The following GLI3 variants were observed in gnomAD, a reference collection of about 807,000 sequenced individuals.
GLI3 encodes the protein transcription activator GLI3.
A neutral mutation model predicts 100.8 loss-of-function variants in GLI3; 20 were observed. The observed-to-expected ratio is 0.20, with a 90% CI of 0.14 to 0.29. The LOEUF (loss-of-function observed/expected upper bound fraction) is 0.29. Among genes scored for constraint, GLI3 ranks in the 10% least tolerant of loss-of-function variants. GLI3 has a pLI of 1.00. For missense variants in GLI3, 2,040 were observed against 2,128.5 expected, an observed-to-expected ratio of 0.96 and a Z score of 0.82; for synonymous variants, 938 against 860.5, an observed-to-expected ratio of 1.09 and a Z score of -1.58.
intron 10 of GLI3, among the ~76,000 whole-genome samples, chr7:42,020,814 T>C (rs907395324): frequency 4.1e-5 from 6 of 145,000 alleles, no homozygotes; most frequent in African/African-American, 7.8e-5. Context: ...GGCGTGAACC[T>C]GGGAGGCGGA....
At chr7:42,234,556 C>T (rs899581182) in intron 1 of GLI3, among the ~76,000 whole-genome samples, 35 of 152,116 alleles carry the variant, frequency 2.3e-4, no homozygotes, top group African/African-American at 7.5e-4. Context: ...TGGTCCTTTG[C>T]AAATTAGATA....
chr7:42,149,444 G>A (rs1274793608), intron 2 of GLI3, among the ~76,000 whole-genome samples: 1 of 152,176 alleles, frequency 6.6e-6, no homozygotes, highest in South Asian at 2.1e-4. Flanking sequence ...GCAGATCAAA[G>A]AACCCATGCA....
At chr7:42,225,333 GT>G (rs1788561801) in intron 1 of GLI3, among the ~76,000 whole-genome samples, 1 of 150,104 alleles carries the variant, frequency 6.7e-6, no homozygotes, top group South Asian at 2.1e-4. Context: ...ACTAAAGCTT[GT>G]TTTTTTGTTT....
chr7:42,077,778 C>A (rs2128752106), intron 3 of GLI3, among the ~76,000 whole-genome samples: 1 of 151,400 alleles, frequency 6.6e-6, no homozygotes, highest in South Asian at 2.1e-4. Flanking sequence ...AGAGTTTTAA[C>A]AGATTTTATA....
At chr7:42,018,248 A>G (rs2128728498) in intron 10 of GLI3, among the ~76,000 whole-genome samples, 1 of 152,366 alleles carries the variant, frequency 6.6e-6, no homozygotes, top group Non-Finnish European at 1.5e-5. Flanking sequence ...TTCTTAGTCT[A>G]TATTTTATAT....
chr7:42,232,026 C>T (rs1444050610), intron 1 of GLI3, among the ~76,000 whole-genome samples: 3 of 151,952 alleles, frequency 2.0e-5, no homozygotes, highest in Non-Finnish European at 4.4e-5. Context: ...TCCCCCATTA[C>T]TTAATTAATT....
chr7:42,013,024 C>G (rs547732769), intron 10 of GLI3, among the ~76,000 whole-genome samples: 5 of 152,118 alleles, frequency 3.3e-5, no homozygotes, highest in African/African-American at 1.2e-4. Flanking sequence ...GTAGAGCAGC[C>G]GAGATAAGAT....
chr7:42,203,526 A>G (rs1405826713), intron 2 of GLI3, among the ~76,000 whole-genome samples: 2 of 152,178 alleles, frequency 1.3e-5, no homozygotes, highest in Admixed American at 6.5e-5. Context: ...AATGTCCTCC[A>G]GTTGCATCCA....
intron 4 of GLI3, among the ~76,000 whole-genome samples, chr7:42,061,499 A>G (rs1183655717): frequency 6.6e-6 from 1 of 152,122 alleles, no homozygotes; most frequent in Admixed American, 6.6e-5. Flanking sequence ...AGGAACTATC[A>G]TTAGTGATTC....
chr7:42,085,516 C>A (rs903223844), intron 3 of GLI3, among the ~76,000 whole-genome samples: 1 of 152,106 alleles, frequency 6.6e-6, no homozygotes, highest in Non-Finnish European at 1.5e-5. Context: ...CAAGACAATC[C>A]TGAGAACTAA....
chr7:42,264,002 C>T (rs1342055733), exon 1 of GLI3, among the ~76,000 whole-genome samples: 3 of 152,224 alleles, frequency 2.0e-5, no homozygotes, highest in African/African-American at 7.2e-5. Flanking sequence ...ACTCTGGCAG[C>T]TCAGCAATGT....
intron 3 of GLI3, among the ~76,000 whole-genome samples, chr7:42,089,754 A>C (rs1785178575): frequency 6.6e-6 from 1 of 152,236 alleles, no homozygotes; most frequent in African/African-American, 2.4e-5. Flanking sequence ...ATTTTCTTTC[A>C]TCCGTAAAAT....
chr7:41,981,757 C>A (rs1227380126), intron 10 of GLI3, among the ~76,000 whole-genome samples: 1 of 152,174 alleles, frequency 6.6e-6, no homozygotes, highest in Non-Finnish European at 1.5e-5. Context: ...TCCAAAGTGA[C>A]GGGGAAGGTA....
At chr7:42,213,338 T>C (rs1331180412) in intron 2 of GLI3, among the ~76,000 whole-genome samples, 1 of 152,240 alleles carries the variant, frequency 6.6e-6, no homozygotes, top group Non-Finnish European at 1.5e-5. Flanking sequence ...TGTTCTCCTC[T>C]GAAATGGTCA....
At chr7:42,024,170 G>A (rs1337060535) in intron 9 of GLI3, among the ~76,000 whole-genome samples, 1 of 152,140 alleles carries the variant, frequency 6.6e-6, no homozygotes, top group Non-Finnish European at 1.5e-5. Context: ...ATGCCCTCTC[G>A]ATTCAACCTC....
At chr7:42,024,191 G>C (rs752083909) in intron 9 of GLI3, among the ~76,000 whole-genome samples, 2 of 152,162 alleles carry the variant, frequency 1.3e-5, no homozygotes, top group Non-Finnish European at 2.9e-5. Context: ...TGATCTCTAA[G>C]GATATGCTCA....
Position 41,966,398 on chromosome 7 carries a change from G to A in GLI3, c.2675C>T (p.Ala892Val), listed in dbSNP as rs770507176. 1.9e-6 allele frequency: 3 copies of A among 1,610,778 alleles called. No individual in the cohort carries two copies. In the South Asian group the frequency reaches 3.3e-5, roughly 18 times the overall value. ...AEGRPQNVSV[A>V]DSYDPISTDA... ...GGTGGAGATGGGGTCGTAGGAGTCG[G>A]CCACGCTCACGTTCTGCGGCCGGCC... Residue 892 changes from alanine (A) to valine (V), a missense_variant, in exon 15 of 15, where the codon GCC (alanine) becomes GTC (valine). Physicochemically the swap from Ala to Val is moderately conservative, Grantham distance 64 (BLOSUM62 0). This residue lies in a region of GLI3 where 327 missense variants were observed against 338.7 expected (regional missense o/e 0.97). Coordinates refer to ENST00000395925, the MANE Select transcript of GLI3 (RefSeq NM_000168.6). The surrounding 1 kb of genome is among the most constrained non-coding windows in gnomAD (Gnocchi z 5.8).
Position 41,964,258 on chromosome 7 carries a change from C to T in GLI3, c.*72G>A. 2.2e-6 allele frequency: 3 copies of T among 1,374,466 alleles called. No individual in the cohort carries two copies. The highest frequency in any genetic ancestry group is 3.1e-6 in the Non-Finnish European group (3 of 968,222). The allele number at this position is 1,374,466 out of a possible 1,614,324, so 85.1% of individuals were successfully genotyped here. Reference sequence around the variant, plus strand: ...AATACATACAGAACTAAAAAAACAGCCAAAACAAAGTCAGTTTAATCTCTT... The same window carrying T: ...AATACATACAGAACTAAAAAAACAGTCAAAACAAAGTCAGTTTAATCTCTT... On this transcript the variant is annotated 3_prime_UTR_variant, in exon 15 of 15. Transcript: ENST00000395925.
chr7:42,027,173 A>C (rs1789142502), intron 7 of GLI3, among the ~76,000 whole-genome samples: 1 of 152,214 alleles, frequency 6.6e-6, no homozygotes. Context: ...AGTCCTGAGG[A>C]AGCAGTGATA....
Sources: allele counts gnomAD v4.1 joint callset (sites outside exome capture counted in the v4.1 genomes callset), GRCh38; gene constraint gnomAD v4.1.1; regional missense constraint gnomAD v4.1.1; non-coding constraint Gnocchi (gnomAD v3.1); transcripts MANE v1.5; gene names NCBI Gene and HGNC (gene_info 2026-07-23, HGNC 2026-07-21).